The following SGCZ variants were observed in gnomAD, a reference collection of about 807,000 sequenced individuals.
The protein encoded by SGCZ is zeta-sarcoglycan.
SGCZ carries 40 observed loss-of-function variants against 41.3 expected under a neutral mutation model. The observed-to-expected ratio is 0.97, with a 90% CI of 0.75 to 1.26. The LOEUF is 1.26. Ranked by LOEUF, SGCZ falls within the 50% of genes most tolerant of loss-of-function variation. The probability of loss-of-function intolerance (pLI) is 0.00; values close to 1 mark genes in which losing one functional copy is unlikely to be tolerated. For synonymous variants in SGCZ, 206 were observed against 137.5 expected, an observed-to-expected ratio of 1.50 and a Z score of -3.49; for missense variants, 552 against 369.8, an observed-to-expected ratio of 1.49 and a Z score of -4.04.
intron 1 of SGCZ, among the ~76,000 whole-genome samples, chr8:14,717,332 A>G (rs1809724706): frequency 6.6e-6 from 1 of 152,194 alleles, no homozygotes; most frequent in Non-Finnish European, 1.5e-5. Flanking sequence ...GGAAGCCATA[A>G]GTAAAATATA....
intron 1 of SGCZ, among the ~76,000 whole-genome samples, chr8:15,044,315 T>C (rs1804222302): frequency 6.6e-6 from 1 of 152,260 alleles, no homozygotes; most frequent in South Asian, 2.1e-4. Flanking sequence ...GCCCACTTTA[T>C]CAAGGCCATT....
intron 1 of SGCZ, among the ~76,000 whole-genome samples, chr8:14,664,095 G>C (rs1424275080): frequency 1.3e-5 from 2 of 152,160 alleles, no homozygotes; most frequent in African/African-American, 4.8e-5. Context: ...TGTACAATGA[G>C]AAATGAGGAC....
chr8:14,824,029 G>GA (rs141376205), intron 1 of SGCZ, among the ~76,000 whole-genome samples: 17,039 of 150,266 alleles, frequency 0.11, 1,285 homozygotes, highest in East Asian at 0.31. Flanking sequence ...AATCTAAAGG[G>GA]AAAAAAAAAG....
At chr8:15,202,266 T>A (rs1800914344) in intron 1 of SGCZ, among the ~76,000 whole-genome samples, 1 of 151,842 alleles carries the variant, frequency 6.6e-6, no homozygotes, top group African/African-American at 2.4e-5. Flanking sequence ...AATCAATGAG[T>A]GAATAAAGAA....
At chr8:14,165,941 T>G (rs997139669) in intron 4 of SGCZ, among the ~76,000 whole-genome samples, 3 of 152,042 alleles carry the variant, frequency 2.0e-5, no homozygotes, top group African/African-American at 7.2e-5. Flanking sequence ...TGCTAGCCAA[T>G]AGGCTGCAAA....
chr8:14,300,724 G>C (rs1177527198), intron 3 of SGCZ, among the ~76,000 whole-genome samples: 1 of 151,888 alleles, frequency 6.6e-6, no homozygotes, highest in African/African-American at 2.4e-5. Flanking sequence ...CTGATGATTA[G>C]TGATGATCAT....
chr8:14,192,048 G>A (rs914129629), intron 4 of SGCZ, among the ~76,000 whole-genome samples: 1 of 151,932 alleles, frequency 6.6e-6, no homozygotes, highest in South Asian at 2.1e-4. Flanking sequence ...AAATTCTTAT[G>A]ACCTGTAGAA....
chr8:15,113,474 TTTCCCTGC>T (rs1807149859), intron 1 of SGCZ, among the ~76,000 whole-genome samples: 2 of 152,154 alleles, frequency 1.3e-5, no homozygotes, highest in Non-Finnish European at 2.9e-5. Flanking sequence ...TTGTTTTCTC[TTTCCCTGC>T]TTCCTCTCAA....
intron 1 of SGCZ, among the ~76,000 whole-genome samples, chr8:15,084,674 T>A (rs1273841912): frequency 6.6e-6 from 1 of 151,994 alleles, no homozygotes; most frequent in African/African-American, 2.4e-5. Flanking sequence ...ATCACTTGAT[T>A]CTGGGAGGCA....
intron 1 of SGCZ, among the ~76,000 whole-genome samples, chr8:14,643,198 T>C (rs891017341): frequency 4.0e-5 from 6 of 151,618 alleles, no homozygotes; most frequent in Non-Finnish European, 7.4e-5. Flanking sequence ...CTGATTGGCA[T>C]CACTGAACAT....
chr8:14,576,661 C>T (rs1386979904), intron 1 of SGCZ, among the ~76,000 whole-genome samples: 4 of 152,150 alleles, frequency 2.6e-5, no homozygotes, highest in South Asian at 2.1e-4. Context: ...CATGCACTTG[C>T]TCTTTAGAAT....
At chr8:15,218,685 T>C (rs1396776675) in intron 1 of SGCZ, among the ~76,000 whole-genome samples, 1 of 152,214 alleles carries the variant, frequency 6.6e-6, no homozygotes, top group African/African-American at 2.4e-5. Flanking sequence ...CCCAATCATG[T>C]TTCACTCATT....
chr8:14,309,146 G>C (rs986569788), intron 3 of SGCZ: 7 of 1,464,076 alleles, frequency 4.8e-6, no homozygotes, highest in Non-Finnish European at 4.8e-6. Flanking sequence ...GAACAGATGG[G>C]CACTCTGGTT....
chr8:15,082,264 G>A (rs1007975681), intron 1 of SGCZ, among the ~76,000 whole-genome samples: 1 of 151,826 alleles, frequency 6.6e-6, no homozygotes, highest in Non-Finnish European at 1.5e-5. Context: ...AGAACTTCTT[G>A]TTAAATATTT....
At chr8:14,948,317 T>C (rs1239152077) in intron 1 of SGCZ, among the ~76,000 whole-genome samples, 1 of 152,144 alleles carries the variant, frequency 6.6e-6, no homozygotes, top group African/African-American at 2.4e-5. Context: ...CCTAATATAC[T>C]GGCCATAGGA....
At chr8:14,373,995 AT>A (rs1049545237) in intron 2 of SGCZ, among the ~76,000 whole-genome samples, 10 of 152,120 alleles carry the variant, frequency 6.6e-5, no homozygotes, top group Non-Finnish European at 1.5e-4. Flanking sequence ...AAATAAAAAA[AT>A]ACACAGATAT....
rs1474264652 is a variant in SGCZ, at chr8:14,138,937, G to A, written c.547+25643C>T. On this transcript the variant is annotated intron_variant, in intron 5 of 7. Coordinates refer to ENST00000382080, the MANE Select transcript of SGCZ (RefSeq NM_139167.4). ...TTATTCCAAAACTGACCACATAGCC[G>A]AAAGTATAGCACTCCTCAGCAAATG... Among the ~76,000 whole-genome samples, 5 of 152,184 alleles carry A rather than the reference G, an allele frequency of 3.3e-5. 1 individual carries two copies. Among genetic ancestry groups the A allele is most frequent in the Admixed American group, 2.6e-4 (4 of 15,276 alleles).
At chr8:14,896,799 C>T (rs1805216812) in intron 1 of SGCZ, among the ~76,000 whole-genome samples, 1 of 150,462 alleles carries the variant, frequency 6.6e-6, no homozygotes, top group African/African-American at 2.4e-5. Context: ...CTTTTTTTGA[C>T]ACAGAGTCTT....
At chr8:14,300,709 T>C (rs549030237) in intron 3 of SGCZ, among the ~76,000 whole-genome samples, 4 of 151,968 alleles carry the variant, frequency 2.6e-5, no homozygotes, top group Non-Finnish European at 5.9e-5. Flanking sequence ...TAATTTTGAA[T>C]TTCCCTGATG....
Sources: allele counts gnomAD v4.1 joint callset (sites outside exome capture counted in the v4.1 genomes callset), GRCh38; gene constraint gnomAD v4.1.1; transcripts MANE v1.5; gene names NCBI Gene and HGNC (gene_info 2026-07-23, HGNC 2026-07-21).